The following CFAP299 variants were observed in gnomAD, a reference collection of about 807,000 sequenced individuals.
CFAP299 encodes the protein cilia- and flagella-associated protein 299.
A neutral mutation model predicts 27.0 loss-of-function variants in CFAP299; 21 were observed. That is an observed-to-expected ratio of 0.78 (90% CI 0.55 to 1.12). CFAP299 has a LOEUF of 1.12. CFAP299 is among the 50% of genes most tolerant of loss of function. The pLI, the probability that CFAP299 is intolerant of heterozygous loss-of-function variation, is 0.00. For missense variants in CFAP299, 310 were observed against 276.6 expected (o/e 1.12, Z -0.86); for synonymous variants, 104 against 98.1 (o/e 1.06, Z -0.36).
At chr4:80,422,830 G>A (rs1224331716) in intron 2 of CFAP299, among the ~76,000 whole-genome samples, 1 of 152,108 alleles carries the variant, frequency 6.6e-6, no homozygotes, top group South Asian at 2.1e-4. Context: ...CTTAATGATA[G>A]GGATACATTC....
chr4:80,385,570 C>T (rs888703787), intron 2 of CFAP299, among the ~76,000 whole-genome samples: 1 of 151,974 alleles, frequency 6.6e-6, no homozygotes, highest in Middle Eastern at 3.2e-3. Context: ...ATGAGGAACA[C>T]GGGGCTCAGA....
chr4:80,559,158 C>G (rs568921103), intron 2 of CFAP299, among the ~76,000 whole-genome samples: 57 of 152,206 alleles, frequency 3.7e-4, no homozygotes, highest in African/African-American at 1.3e-3. Context: ...ATGGCTGGAA[C>G]AGCTAGGGGT....
chr4:80,719,945 A>C (rs1360772398), intron 3 of CFAP299, among the ~76,000 whole-genome samples: 1 of 152,202 alleles, frequency 6.6e-6, no homozygotes, highest in Non-Finnish European at 1.5e-5. Context: ...CAGTGTCAGA[A>C]AACAAAGGAC....
intron 3 of CFAP299, among the ~76,000 whole-genome samples, chr4:80,586,391 A>G (rs1247794228): frequency 6.6e-6 from 1 of 152,166 alleles, no homozygotes; most frequent in Non-Finnish European, 1.5e-5. Flanking sequence ...TCTCTTTAGA[A>G]AAGATAGTTG....
chr4:80,380,318 C>A (rs148019754), intron 2 of CFAP299, among the ~76,000 whole-genome samples: 1 of 151,218 alleles, frequency 6.6e-6, no homozygotes, highest in African/African-American at 2.4e-5. Flanking sequence ...AGACAAAATC[C>A]AATATTGGTG....
At chr4:80,752,903 A>T (rs1725017754) in intron 3 of CFAP299, among the ~76,000 whole-genome samples, 1 of 152,120 alleles carries the variant, frequency 6.6e-6, no homozygotes, top group African/African-American at 2.4e-5. Flanking sequence ...ACCTTACAAC[A>T]GATTATTTCA....
intron 3 of CFAP299, among the ~76,000 whole-genome samples, chr4:80,593,468 G>C (rs1286550773): frequency 6.6e-6 from 1 of 152,126 alleles, no homozygotes; most frequent in Non-Finnish European, 1.5e-5. Flanking sequence ...TTTATTGAAT[G>C]CTAGCTTCGT....
At chr4:80,690,455 AC>A (rs1720589476) in intron 3 of CFAP299, among the ~76,000 whole-genome samples, 1 of 152,318 alleles carries the variant, frequency 6.6e-6, no homozygotes, top group African/African-American at 2.4e-5. Flanking sequence ...TGGGTACATA[AC>A]GAAATGAAGG....
intron 4 of CFAP299, among the ~76,000 whole-genome samples, chr4:80,902,319 A>G (rs955485818): frequency 6.8e-6 from 1 of 147,988 alleles, no homozygotes; most frequent in Admixed American, 6.8e-5. Flanking sequence ...ATCCATATAT[A>G]TATGGATTAT....
chr4:80,333,621 G>C (rs537159292), upstream of CFAP299, among the ~76,000 whole-genome samples: 2 of 152,256 alleles, frequency 1.3e-5, no homozygotes, highest in African/African-American at 4.8e-5. Context: ...CTTCCACCAA[G>C]TAAGTACCTT....
chr4:80,708,348 A>G (rs1299268301), intron 3 of CFAP299, among the ~76,000 whole-genome samples: 2 of 152,022 alleles, frequency 1.3e-5, no homozygotes, highest in Non-Finnish European at 2.9e-5. Flanking sequence ...AAACAGAGGC[A>G]TTCTTTGTCC....
At chr4:80,718,544 A>G (rs189084740) in intron 3 of CFAP299, among the ~76,000 whole-genome samples, 19 of 152,214 alleles carry the variant, frequency 1.2e-4, no homozygotes, top group Non-Finnish European at 1.0e-4. Context: ...TTTGAAAAAC[A>G]TTGTAAGTGA....
In CFAP299 at chr4:80,946,811, G is replaced by A. The variant is rs1737502679; in HGVS notation, c.606+1872G>A. Among the ~76,000 whole-genome samples the A allele has an allele frequency of 2.6e-5, 4 of 152,132 alleles. No homozygotes were observed. The South Asian group carries it at 8.3e-4, about 32-fold the overall frequency. ...TCTTTACTTATGGGTGTCAAAATGA[G>A]ATCAGTAGGGGCAAAGTACAGAAAA... On this transcript the variant is annotated intron_variant, in intron 5 of 5. Transcript: ENST00000358105.
At chr4:80,628,740 C>T (rs770436164) in intron 3 of CFAP299, among the ~76,000 whole-genome samples, 2 of 152,104 alleles carry the variant, frequency 1.3e-5, no homozygotes, top group Non-Finnish European at 2.9e-5. Flanking sequence ...CTCAATATTA[C>T]TAATCAGGGA....
At chr4:80,725,848 G>C (rs1423460261) in intron 3 of CFAP299, among the ~76,000 whole-genome samples, 1 of 152,166 alleles carries the variant, frequency 6.6e-6, no homozygotes. Flanking sequence ...TACTTTTGTA[G>C]TGATAGAGGA....
intron 2 of CFAP299, among the ~76,000 whole-genome samples, chr4:80,379,395 T>C (rs1287216967): frequency 6.6e-6 from 1 of 151,976 alleles, no homozygotes; most frequent in African/African-American, 2.4e-5. Flanking sequence ...TTTTCTGTTT[T>C]ATTGATTTCT....
At chr4:80,472,558 C>T (rs1301415484) in intron 2 of CFAP299, among the ~76,000 whole-genome samples, 1 of 152,060 alleles carries the variant, frequency 6.6e-6, no homozygotes, top group Non-Finnish European at 1.5e-5. Context: ...AGGGATAACA[C>T]CATGTTTGTG....
intron 2 of CFAP299, among the ~76,000 whole-genome samples, chr4:80,430,725 T>A (rs984558322): frequency 3.3e-5 from 5 of 152,224 alleles, no homozygotes; most frequent in Non-Finnish European, 7.3e-5. Flanking sequence ...CTGCTCATCC[T>A]GCAGGTTTCC....
intron 3 of CFAP299, among the ~76,000 whole-genome samples, chr4:80,594,110 T>C (rs1428130323): frequency 6.6e-6 from 1 of 152,164 alleles, no homozygotes; most frequent in African/African-American, 2.4e-5. Flanking sequence ...GGTATATTAG[T>C]CCATTTTCGC....
Sources: gnomAD v4.1 joint callset for allele counts (sites outside exome capture counted in the v4.1 genomes callset) on GRCh38, gnomAD v4.1.1 for gene constraint, MANE v1.5 for transcripts, NCBI Gene and HGNC (gene_info 2026-07-23, HGNC 2026-07-21) for gene names.